Variants in ATP2C2 observed in about 807,000 individuals in gnomAD.
The protein encoded by ATP2C2 is calcium-transporting ATPase type 2C member 2.
A neutral mutation model predicts 110.8 loss-of-function variants in ATP2C2; 171 were observed. The ratio of observed to expected loss-of-function variants is 1.54; its 90% CI spans 1.36 to 1.75. The LOEUF (loss-of-function observed/expected upper bound fraction) is 1.75, where lower values mean the gene tolerates loss of function less well. ATP2C2 is among the 40% of genes most tolerant of loss of function. The pLI, the probability that ATP2C2 is intolerant of heterozygous loss-of-function variation, is 0.00. For synonymous variants in ATP2C2, 804 were observed against 508.4 expected, an observed-to-expected ratio of 1.58 and a Z score of -7.82; for missense variants, 1,963 against 1,235.0, an observed-to-expected ratio of 1.59 and a Z score of -8.84.
chr16:84,400,823 G>A (rs1905272854), intron 2 of ATP2C2, among the ~76,000 whole-genome samples: 1 of 152,154 alleles, frequency 6.6e-6, no homozygotes. Flanking sequence ...GATCACAGAT[G>A]GTGAGCACCT....
At chr16:84,376,324 A>C (rs1910247560) in intron 1 of ATP2C2, among the ~76,000 whole-genome samples, 1 of 152,182 alleles carries the variant, frequency 6.6e-6, no homozygotes, top group Non-Finnish European at 1.5e-5. Context: ...TGCCAATAGC[A>C]GGAAGACACT....
At chr16:84,411,621 T>C (rs1906300098) in intron 6 of ATP2C2, among the ~76,000 whole-genome samples, 1 of 152,188 alleles carries the variant, frequency 6.6e-6, no homozygotes, top group East Asian at 1.9e-4. Context: ...TTTATATTTT[T>C]AGTAGAGGTG....
At chr16:84,434,681 G>A (rs971910607) in intron 11 of ATP2C2, among the ~76,000 whole-genome samples, 4 of 151,716 alleles carry the variant, frequency 2.6e-5, no homozygotes, top group Non-Finnish European at 4.4e-5. Context: ...ACCACACCCG[G>A]CTAATTTTTG....
At chr16:84,459,940 C>G (rs936796388) in intron 23 of ATP2C2, 10 of 270,680 alleles carry the variant, frequency 3.7e-5, no homozygotes, top group Non-Finnish European at 6.5e-5. Flanking sequence ...CTTCAACAAG[C>G]TGGCCAAGTG....
intron 2 of ATP2C2, among the ~76,000 whole-genome samples, chr16:84,400,359 C>G (rs1051661964): frequency 6.8e-6 from 1 of 147,300 alleles, no homozygotes; most frequent in Non-Finnish European, 1.5e-5. Flanking sequence ...TGGAGTCTCA[C>G]TCTGTCACCC....
intron 11 of ATP2C2, 61 bp downstream of exon 11, chr16:84,425,862 C>G: frequency 2.5e-6 from 4 of 1,569,472 alleles, no homozygotes; most frequent in Non-Finnish European, 3.5e-6. Context: ...TGAGCCCTTC[C>G]CTGCCGCAAG....
At chr16:84,405,749 G>A (rs779914585) in intron 3 of ATP2C2, among the ~76,000 whole-genome samples, 7 of 152,108 alleles carry the variant, frequency 4.6e-5, no homozygotes, top group South Asian at 2.1e-4. Context: ...GCGAAACCCC[G>A]TCTCTTCTAA....
chr16:84,414,100 G>T (rs1316844768), intron 6 of ATP2C2, among the ~76,000 whole-genome samples: 1 of 152,154 alleles, frequency 6.6e-6, no homozygotes, highest in Non-Finnish European at 1.5e-5. Context: ...CTGTCGATCA[G>T]GCTGACATTT....
At chr16:84,389,296 G>C (rs114090851) in intron 1 of ATP2C2, among the ~76,000 whole-genome samples, 1 of 151,626 alleles carries the variant, frequency 6.6e-6, no homozygotes, top group Admixed American at 6.6e-5. Flanking sequence ...CACAATTCCT[G>C]GGTGCCTTTC....
chr16:84,458,379 A>G (rs1910892096), intron 21 of ATP2C2, among the ~76,000 whole-genome samples: 1 of 132,806 alleles, frequency 7.5e-6, no homozygotes, highest in Non-Finnish European at 1.6e-5. Flanking sequence ...TAGCATCGGG[A>G]GATATACCTA....
At chr16:84,383,701 T>TG (rs1409463651) in intron 1 of ATP2C2, among the ~76,000 whole-genome samples, 2 of 149,546 alleles carry the variant, frequency 1.3e-5, no homozygotes, top group African/African-American at 4.9e-5. Flanking sequence ...AGACATAAAT[T>TG]GCAGACATGA....
chr16:84,391,345 T>C (rs1318846048), intron 1 of ATP2C2, among the ~76,000 whole-genome samples: 2 of 152,202 alleles, frequency 1.3e-5, no homozygotes, highest in Non-Finnish European at 2.9e-5. Context: ...CTGCCATCTC[T>C]CGCATCTTCT....
At chr16:84,377,365 A>G (rs1910309496) in intron 1 of ATP2C2, among the ~76,000 whole-genome samples, 1 of 152,078 alleles carries the variant, frequency 6.6e-6, no homozygotes, top group Non-Finnish European at 1.5e-5. Context: ...CTTTGTTGTC[A>G]ATGAATATGA....
At chr16:84,434,316 T>G (rs1036255089) in intron 11 of ATP2C2, among the ~76,000 whole-genome samples, 3 of 151,428 alleles carry the variant, frequency 2.0e-5, no homozygotes, top group African/African-American at 7.3e-5. Flanking sequence ...CTCGGGAGGC[T>G]GAGGGAGGAG....
chr16:84,419,648 C>CT (rs1439989311), intron 7 of ATP2C2, among the ~76,000 whole-genome samples: 1 of 117,062 alleles, frequency 8.5e-6, no homozygotes, highest in Non-Finnish European at 1.9e-5. Flanking sequence ...CCTCCCTTCC[C>CT]TTGGGGCCCC....
chr16:84,462,290 G>C, intron 26 of ATP2C2, 161 bp downstream of exon 26: 2 of 913,966 alleles, frequency 2.2e-6, no homozygotes, highest in South Asian at 1.7e-5. Flanking sequence ...CACAGGAAGG[G>C]ACTCTAACGT....
At chr16:84,455,061 T>A in intron 21 of ATP2C2, 77 bp downstream of exon 21, 2 of 1,095,924 alleles carry the variant, frequency 1.8e-6, no homozygotes, top group Non-Finnish European at 1.3e-6. Context: ...CCTGCTACTG[T>A]GGAGATAGAG....
At chr16:84,383,760 T>TGTGTGTGTGTGTGTGTGTGG (rs1246366949) in intron 1 of ATP2C2, among the ~76,000 whole-genome samples, 1 of 146,208 alleles carries the variant, frequency 6.8e-6, no homozygotes, top group Admixed American at 7.0e-5. Flanking sequence ...TATGTGTGTG[T>TGTGTGTGTGTGTGTGTGTGG]TGGGGGTGGG....
At chr16:84,437,881 C>T (rs1036916124) in intron 11 of ATP2C2, among the ~76,000 whole-genome samples, 10 of 152,244 alleles carry the variant, frequency 6.6e-5, no homozygotes, top group Non-Finnish European at 1.5e-4. Context: ...TACATTCCCA[C>T]CTATGCCCAC....
Sources: gnomAD v4.1 joint callset for allele counts (sites outside exome capture counted in the v4.1 genomes callset) on GRCh38, gnomAD v4.1.1 for gene constraint, MANE v1.5 for transcripts, NCBI Gene and HGNC (gene_info 2026-07-23, HGNC 2026-07-21) for gene names.